Variants in ROBO2 observed in about 807,000 individuals in gnomAD.
ROBO2 encodes the protein roundabout homolog 2.
Under a neutral mutation model 160.8 loss-of-function variants are expected in ROBO2, and 53 were observed. The ratio of observed to expected loss-of-function variants is 0.33; its 90% CI spans 0.26 to 0.41. The LOEUF (loss-of-function observed/expected upper bound fraction) is 0.41, where lower values mean the gene tolerates loss of function less well. Among genes scored for constraint, ROBO2 ranks in the 10% least tolerant of loss-of-function variants. The probability of loss-of-function intolerance (pLI) is 1.00; values close to 1 mark genes in which losing one functional copy is unlikely to be tolerated. For missense variants in ROBO2, 1,577 were observed against 1,722.4 expected, an observed-to-expected ratio of 0.92 and a Z score of 1.49; for synonymous variants, 664 against 611.7, an observed-to-expected ratio of 1.09 and a Z score of -1.26.
chr3:76,450,718 G>T (rs1041903749), intron 2 of ROBO2, among the ~76,000 whole-genome samples: 8 of 152,014 alleles, frequency 5.3e-5, no homozygotes, highest in Non-Finnish European at 7.4e-5. Flanking sequence ...GAGTTATTCT[G>T]TTAATGAAGA....
chr3:76,174,016 C>T (rs2073135127), intron 2 of ROBO2, among the ~76,000 whole-genome samples: 1 of 152,170 alleles, frequency 6.6e-6, no homozygotes, highest in Non-Finnish European at 1.5e-5. Flanking sequence ...TGCATCCTCT[C>T]CAGCATCTGT....
chr3:76,450,716 C>T (rs945703417), intron 2 of ROBO2, among the ~76,000 whole-genome samples: 1 of 151,980 alleles, frequency 6.6e-6, no homozygotes, highest in African/African-American at 2.4e-5. Context: ...TTGAGTTATT[C>T]TGTTAATGAA....
At chr3:76,243,265 A>G (rs146771491) in intron 2 of ROBO2, among the ~76,000 whole-genome samples, 62 of 152,224 alleles carry the variant, frequency 4.1e-4, no homozygotes, top group African/African-American at 1.4e-3. Context: ...CTCCTTGAGC[A>G]CTGCCGGTCC....
At chr3:76,763,530 ATTAC>A (rs1221284768) in intron 2 of ROBO2, among the ~76,000 whole-genome samples, 4 of 150,788 alleles carry the variant, frequency 2.7e-5, no homozygotes, top group African/African-American at 4.9e-5. Context: ...GTTAACATTA[ATTAC>A]TTATTCAATC....
intron 1 of ROBO2, among the ~76,000 whole-genome samples, chr3:77,057,524 G>T (rs1413289710): frequency 6.7e-6 from 1 of 148,398 alleles, no homozygotes; most frequent in African/African-American, 2.5e-5. Context: ...GCATTTTTGT[G>T]AGTTAATTAC....
At chr3:77,434,881 G>T (rs542475976) in intron 2 of ROBO2, among the ~76,000 whole-genome samples, 7 of 151,838 alleles carry the variant, frequency 4.6e-5, no homozygotes, top group African/African-American at 1.7e-4. Context: ...TAATGCACTC[G>T]CATATAAAAT....
chr3:76,351,671 C>T (rs2074883895), intron 2 of ROBO2, among the ~76,000 whole-genome samples: 1 of 151,764 alleles, frequency 6.6e-6, no homozygotes, highest in African/African-American at 2.4e-5. Flanking sequence ...TTATTGTTTG[C>T]CTTGTTCTTA....
chr3:77,210,371 T>C (rs1282960122), intron 2 of ROBO2, among the ~76,000 whole-genome samples: 2 of 152,084 alleles, frequency 1.3e-5, no homozygotes, highest in East Asian at 3.9e-4. Flanking sequence ...ACATTACAAA[T>C]ATCTACAAAC....
chr3:77,189,044 T>TA (rs1381111184), intron 2 of ROBO2, among the ~76,000 whole-genome samples: 1 of 151,564 alleles, frequency 6.6e-6, no homozygotes, highest in Non-Finnish European at 1.5e-5. Context: ...TTTTCTTATA[T>TA]AAAATACGTG....
intron 2 of ROBO2, among the ~76,000 whole-genome samples, chr3:76,292,611 A>G (rs923059279): frequency 1.3e-4 from 20 of 152,200 alleles, no homozygotes; most frequent in African/African-American, 4.1e-4. Context: ...ATTGAACAAT[A>G]TAAGTGTGGT....
At chr3:76,746,110 T>C (rs2108129312) in intron 2 of ROBO2, among the ~76,000 whole-genome samples, 1 of 151,666 alleles carries the variant, frequency 6.6e-6, no homozygotes, top group East Asian at 1.9e-4. Flanking sequence ...TGCGATAGTT[T>C]ACTGAGAATG....
chr3:76,520,280 G>A (rs757165210), intron 2 of ROBO2, among the ~76,000 whole-genome samples: 5 of 152,016 alleles, frequency 3.3e-5, no homozygotes, highest in Non-Finnish European at 7.4e-5. Context: ...GTGAAACCCC[G>A]TCTCTACTAA....
intron 2 of ROBO2, among the ~76,000 whole-genome samples, chr3:77,261,276 C>T (rs2058755678): frequency 6.6e-6 from 1 of 152,066 alleles, no homozygotes; most frequent in South Asian, 2.1e-4. Flanking sequence ...AGGAGGCTCC[C>T]AGAAGCAGCC....
chr3:76,256,010 T>C (rs1706336215), intron 2 of ROBO2, among the ~76,000 whole-genome samples: 1 of 152,058 alleles, frequency 6.6e-6, no homozygotes, highest in Admixed American at 6.6e-5. Context: ...GAAAAAGACT[T>C]ACCCTGAGCC....
chr3:76,116,208 G>A (rs912409887), intron 2 of ROBO2, among the ~76,000 whole-genome samples: 6 of 152,090 alleles, frequency 3.9e-5, no homozygotes, highest in Admixed American at 6.6e-5. Context: ...TCAAAAGAGT[G>A]TCCATGGTTA....
chr3:76,254,302 A>G (rs1037396017), intron 2 of ROBO2, among the ~76,000 whole-genome samples: 6 of 152,138 alleles, frequency 3.9e-5, no homozygotes, highest in African/African-American at 1.4e-4. Context: ...CATCACATCC[A>G]TAGATAAGAC....
At chr3:77,623,516 C>T (rs2094942986) in intron 23 of ROBO2, among the ~76,000 whole-genome samples, 1 of 152,184 alleles carries the variant, frequency 6.6e-6, no homozygotes, top group Admixed American at 6.5e-5. Flanking sequence ...TGTATTCCTC[C>T]CTGAATTACT....
At chr3:77,154,277 T>A (rs1189809704) in intron 2 of ROBO2, among the ~76,000 whole-genome samples, 2 of 152,040 alleles carry the variant, frequency 1.3e-5, no homozygotes, top group Non-Finnish European at 2.9e-5. Flanking sequence ...CAATCAATAA[T>A]AAATAGGTAC....
At chr3:76,579,106 A>G (rs1035047086) in intron 2 of ROBO2, among the ~76,000 whole-genome samples, 1 of 151,878 alleles carries the variant, frequency 6.6e-6, no homozygotes, top group Non-Finnish European at 1.5e-5. Context: ...TGCTCCCTAT[A>G]TTTTCTTTTA....
Sources: gnomAD v4.1 joint callset for allele counts (sites outside exome capture counted in the v4.1 genomes callset) on GRCh38, gnomAD v4.1.1 for gene constraint, MANE v1.5 for transcripts, NCBI Gene and HGNC (gene_info 2026-07-23, HGNC 2026-07-21) for gene names.